The following NEDD4 variants were observed in gnomAD, a reference collection of about 807,000 sequenced individuals.
The protein encoded by NEDD4 is E3 ubiquitin-protein ligase NEDD4.
In NEDD4, 99 loss-of-function variants were observed where a neutral mutation model predicts 144.9. The ratio of observed to expected loss-of-function variants is 0.68; its 90% CI spans 0.58 to 0.81. The LOEUF (loss-of-function observed/expected upper bound fraction) is 0.81, where lower values mean the gene tolerates loss of function less well. Ranked by LOEUF, NEDD4 falls within the 30% of genes least tolerant of loss-of-function variation. The pLI, the probability that NEDD4 is intolerant of heterozygous loss-of-function variation, is 0.00. For missense variants in NEDD4, 985 were observed against 1,065.9 expected, an observed-to-expected ratio of 0.92 and a Z score of 1.06; for synonymous variants, 318 against 350.6, an observed-to-expected ratio of 0.91 and a Z score of 1.04.
chr15:55,831,917 G>A (rs188554241), intron 27 of NEDD4, among the ~76,000 whole-genome samples: 1 of 152,240 alleles, frequency 6.6e-6, no homozygotes, highest in East Asian at 1.9e-4. Context: ...TTAAAAGCAA[G>A]TAAATATCAT....
intron 1 of NEDD4, among the ~76,000 whole-genome samples, chr15:55,971,552 G>T (rs1429455553): frequency 6.7e-6 from 1 of 148,382 alleles, no homozygotes; most frequent in African/African-American, 2.5e-5. Context: ...TTGAATCTGG[G>T]AGGCAGAGGC....
intron 1 of NEDD4, chr15:55,991,883 C>A (rs2037994261): frequency 6.6e-6 from 1 of 152,260 alleles, no homozygotes; most frequent in Non-Finnish European, 1.5e-5. Flanking sequence ...ATTAAAAACA[C>A]TGATCATGTA....
intron 4 of NEDD4, among the ~76,000 whole-genome samples, chr15:55,937,711 T>C (rs1034987183): frequency 7.9e-5 from 12 of 152,216 alleles, no homozygotes; most frequent in African/African-American, 2.9e-4. Flanking sequence ...TGTTCATGGA[T>C]TGGAAGAACT....
intron 2 of NEDD4, among the ~76,000 whole-genome samples, chr15:55,962,104 A>T (rs1407643116): frequency 6.6e-6 from 1 of 152,152 alleles, no homozygotes; most frequent in Non-Finnish European, 1.5e-5. Flanking sequence ...ATTGTTATAT[A>T]TTCCTGATTG....
At chr15:55,841,575 A>ATTGTATATTTAGCCATTTACC (rs1163765667) in intron 19 of NEDD4, among the ~76,000 whole-genome samples, 27 of 152,172 alleles carry the variant, frequency 1.8e-4, no homozygotes, top group South Asian at 4.1e-4. Flanking sequence ...GTATATTTAA[A>ATTGTATATTTAGCCATTTACC]ATGGCTAAAA....
intron 2 of NEDD4, among the ~76,000 whole-genome samples, chr15:55,964,070 A>G (rs1292582570): frequency 6.6e-6 from 1 of 152,090 alleles, no homozygotes; most frequent in Non-Finnish European, 1.5e-5. Context: ...CAGTTTGACT[A>G]TTATGCACTT....
chr15:55,889,505 T>C (rs2035496199), intron 5 of NEDD4, among the ~76,000 whole-genome samples: 1 of 152,138 alleles, frequency 6.6e-6, no homozygotes, highest in South Asian at 2.1e-4. Context: ...CACTTATTTG[T>C]GGGAGCTAAA....
intron 5 of NEDD4, among the ~76,000 whole-genome samples, chr15:55,880,295 A>T (rs1433459208): frequency 3.3e-5 from 5 of 152,128 alleles, no homozygotes; most frequent in African/African-American, 1.2e-4. Context: ...CCGTCTCCAA[A>T]AAAAAAGAAT....
intron 1 of NEDD4, among the ~76,000 whole-genome samples, chr15:55,971,338 T>C (rs1595882829): frequency 6.6e-6 from 1 of 152,006 alleles, no homozygotes; most frequent in South Asian, 2.1e-4. Flanking sequence ...AGTTAACAGT[T>C]ATTGGGCCGG....
chr15:55,978,485 G>A (rs1453520712), intron 1 of NEDD4, among the ~76,000 whole-genome samples: 1 of 152,128 alleles, frequency 6.6e-6, no homozygotes, highest in African/African-American at 2.4e-5. Context: ...GAAAAGGAGG[G>A]AAAGCAGCAT....
chr15:55,897,128 C>A (rs1802349816), intron 5 of NEDD4, among the ~76,000 whole-genome samples: 1 of 152,108 alleles, frequency 6.6e-6, no homozygotes, highest in South Asian at 2.1e-4. Context: ...TGCCCGCCAC[C>A]ATGCCTGGCT....
intron 14 of NEDD4, 22 bp downstream of exon 14, chr15:55,850,520 A>T: frequency 6.2e-7 from 1 of 1,609,518 alleles, no homozygotes; most frequent in Non-Finnish European, 8.5e-7. Context: ...TATAAATTTA[A>T]ATGGAAAAGT....
rs978478824 is a variant in NEDD4 at position 55,905,060 on chromosome 15, C to G, written c.291+19586G>C. Among the ~76,000 whole-genome samples the G allele has an allele frequency of 5.3e-5, 8 of 150,342 alleles. No homozygotes were observed. In the East Asian group the frequency reaches 1.6e-3, roughly 29 times the overall value. ...TGAGCCGAGATCGTGCCATTGTACT[C>G]CAGCCTGGGCAACAAGAGCGAAATT... On this transcript the variant is annotated intron_variant, in intron 5 of 28. Coordinates refer to ENST00000435532, the MANE Select transcript of NEDD4 (RefSeq NM_006154.4).
chr15:55,975,562 A>C (rs2037684942), intron 1 of NEDD4, among the ~76,000 whole-genome samples: 2 of 152,162 alleles, frequency 1.3e-5, no homozygotes, highest in South Asian at 4.1e-4. Context: ...ACTAGGAATA[A>C]ACTTAACCAA....
chr15:55,990,041 G>A (rs1328315046), intron 1 of NEDD4, among the ~76,000 whole-genome samples: 1 of 151,890 alleles, frequency 6.6e-6, no homozygotes, highest in East Asian at 1.9e-4. Flanking sequence ...AGAATCTAAT[G>A]CCTGATGATT....
At position 55,860,688 on chromosome 15, in the gene NEDD4, TTC is replaced by T; in HGVS notation, c.763_764del (p.Glu255LysfsTer3). 4 of 1,614,178 alleles carry T rather than the reference TTC, an allele frequency of 2.5e-6. No individual in the cohort carries two copies. Among genetic ancestry groups the T allele is most frequent in the Non-Finnish European group, 3.4e-6 (4 of 1,179,992 alleles). On this transcript the variant is annotated frameshift_variant, in exon 10 of 29. Coordinates refer to ENST00000435532, the MANE Select transcript of NEDD4 (RefSeq NM_006154.4). LOFTEE classifies it high-confidence loss of function. ...TTRRQISEET[E>X]SVDNRESSEN... Reference sequence around the variant, plus strand: ...CGGAAGACTCTCGGTTGTCAACACTTTCTGTTTCCTCGGATATCTGCCGCCTG... The same window carrying T: ...CGGAAGACTCTCGGTTGTCAACACTTTGTTTCCTCGGATATCTGCCGCCTG...
intron 5 of NEDD4, among the ~76,000 whole-genome samples, chr15:55,913,788 T>C (rs762644362): frequency 6.6e-6 from 1 of 152,064 alleles, no homozygotes; most frequent in Non-Finnish European, 1.5e-5. Context: ...CAAACTATAA[T>C]TATTACCACA....
At chr15:55,931,246 G>C (rs1286289532) in intron 4 of NEDD4, among the ~76,000 whole-genome samples, 1 of 152,100 alleles carries the variant, frequency 6.6e-6, no homozygotes, top group African/African-American at 2.4e-5. Flanking sequence ...AATCAACTTG[G>C]AACATGCATG....
intron 1 of NEDD4, among the ~76,000 whole-genome samples, chr15:55,984,675 C>T (rs1412090636): frequency 6.6e-6 from 1 of 152,216 alleles, no homozygotes; most frequent in African/African-American, 2.4e-5. Flanking sequence ...ATTTACTCAA[C>T]TTTCAGAAAA....
Sources: gnomAD v4.1 joint callset for allele counts (sites outside exome capture counted in the v4.1 genomes callset) on GRCh38, gnomAD v4.1.1 for gene constraint, MANE v1.5 for transcripts, NCBI Gene and HGNC (gene_info 2026-07-23, HGNC 2026-07-21) for gene names.